The following ACO1 variants were observed in gnomAD, a reference collection of about 807,000 sequenced individuals.
ACO1 encodes aconitase 1.
Under a neutral mutation model 105.1 loss-of-function variants are expected in ACO1, and 78 were observed. The observed-to-expected ratio is 0.74, with a 90% CI of 0.62 to 0.90. The LOEUF (loss-of-function observed/expected upper bound fraction) is 0.90, where lower values mean the gene tolerates loss of function less well. Among genes scored for constraint, ACO1 ranks in the 40% least tolerant of loss-of-function variants. The pLI is 0.00. For synonymous variants in ACO1, 364 were observed against 397.4 expected (o/e 0.92, Z 1.00); for missense variants, 965 against 1,111.1 (o/e 0.87, Z 1.87).
intron 15 of ACO1, among the ~76,000 whole-genome samples, chr9:32,432,751 T>C (rs1822267682): frequency 6.6e-6 from 1 of 152,224 alleles, no homozygotes; most frequent in Admixed American, 6.5e-5. Context: ...TAGTTATCTA[T>C]TGCTGTGATA....
In ACO1 at chr9:32,420,722, T is replaced by A. The variant is rs757511383; in HGVS notation, c.799-134T>A. On this transcript the variant is annotated intron_variant, in intron 7 of 20. Coordinates refer to ENST00000309951, the MANE Select transcript of ACO1 (RefSeq NM_002197.3). ...ATTGTTTTTTAAGTTTTGAAAGTGA[T>A]CACAAATGTGTTGGGCTGATTTACT... is the stretch of plus-strand genomic sequence containing the variant. The A allele has an allele frequency of 9.3e-5, 83 of 890,014 alleles. No individual in the cohort carries two copies. The South Asian group carries it at 1.2e-3, about 13-fold the overall frequency. The allele number at this position is 890,014 out of a possible 1,614,324, so 55.1% of individuals were successfully genotyped here.
chr9:32,403,502 A>G (rs1405311276), intron 1 of ACO1, among the ~76,000 whole-genome samples: 1 of 152,204 alleles, frequency 6.6e-6, no homozygotes, highest in African/African-American at 2.4e-5. Context: ...ATCCATCCCA[A>G]AAATACCAAC....
At chr9:32,426,055 G>C in intron 11 of ACO1, 58 bp downstream of exon 11, 1 of 1,570,470 alleles carries the variant, frequency 6.4e-7, no homozygotes, top group Non-Finnish European at 8.7e-7. Flanking sequence ...GAAATAGCCC[G>C]AGACAGGGCC....
rs1220685998 is a variant in ACO1 at position 32,454,762 on chromosome 9, C to G, written c.*4651C>G. ...TGACATTATTCCATTAAAAGTCAAACAAGGAAATGCTAAGTTCTCCTTATT... is the reference window on the plus strand; with the variant it reads ...TGACATTATTCCATTAAAAGTCAAAGAAGGAAATGCTAAGTTCTCCTTATT... On this transcript the variant is annotated 3_prime_UTR_variant, in exon 21 of 21. Coordinates refer to ENST00000309951, the MANE Select transcript of ACO1 (RefSeq NM_002197.3). 1 of 150,818 alleles carries G rather than the reference C, an allele frequency of 6.6e-6. No homozygotes were observed. Among genetic ancestry groups the G allele is most frequent in the East Asian group, 1.9e-4 (1 of 5,190 alleles). 9.3% of individuals were successfully genotyped at this position (150,818 alleles called of 1,614,324 possible).
chr9:32,430,363 C>A (rs981665456), intron 13 of ACO1, 55 bp from the exon 14 acceptor site: 31 of 1,540,044 alleles, frequency 2.0e-5, no homozygotes, highest in Non-Finnish European at 2.6e-5. Flanking sequence ...TGGTCTGAGA[C>A]AAGAAGCCTA....
intron 19 of ACO1, among the ~76,000 whole-genome samples, chr9:32,443,542 C>G (rs892598893): frequency 6.6e-6 from 1 of 152,148 alleles, no homozygotes; most frequent in African/African-American, 2.4e-5. Context: ...TTACTTAAAG[C>G]AACAGCATCA....
intron 4 of ACO1, among the ~76,000 whole-genome samples, chr9:32,417,339 A>G (rs1011996089): frequency 6.6e-6 from 1 of 152,172 alleles, no homozygotes; most frequent in Non-Finnish European, 1.5e-5. Context: ...TCATTTATTA[A>G]TGAAGTCTGA....
chr9:32,389,035 T>G (rs1821210784), intron 1 of ACO1, among the ~76,000 whole-genome samples: 1 of 152,222 alleles, frequency 6.6e-6, no homozygotes, highest in Admixed American at 6.5e-5. Flanking sequence ...TTAACAGTAT[T>G]AATGTTTGAC....
intron 1 of ACO1, among the ~76,000 whole-genome samples, chr9:32,386,820 C>A (rs1821165500): frequency 6.6e-6 from 1 of 152,016 alleles, no homozygotes; most frequent in South Asian, 2.1e-4. Flanking sequence ...CCACCTATTT[C>A]TCATGTGTCC....
At chr9:32,413,691 G>A (rs1481581864) in intron 4 of ACO1, among the ~76,000 whole-genome samples, 1 of 152,098 alleles carries the variant, frequency 6.6e-6, no homozygotes, top group Non-Finnish European at 1.5e-5. Flanking sequence ...ACTGGGTAAG[G>A]GGTGGTAGAG....
chr9:32,449,196 G>A, intron 20 of ACO1, 115 bp downstream of exon 20: 2 of 948,376 alleles, frequency 2.1e-6, no homozygotes, highest in South Asian at 3.5e-5. Context: ...CACTCAGGAG[G>A]ACTGCATTAG....
intron 3 of ACO1, among the ~76,000 whole-genome samples, chr9:32,408,059 G>A (rs1173462513): frequency 6.6e-6 from 1 of 152,196 alleles, no homozygotes; most frequent in African/African-American, 2.4e-5. Flanking sequence ...GAAAAAGAGA[G>A]ATTCATTTAA....
At chr9:32,432,836 C>T (rs1822269270) in intron 15 of ACO1, among the ~76,000 whole-genome samples, 1 of 152,210 alleles carries the variant, frequency 6.6e-6, no homozygotes, top group Non-Finnish European at 1.5e-5. Flanking sequence ...AATCCAGGCA[C>T]AGCTTCACTG....
At chr9:32,422,596 G>A (rs909564056) in intron 8 of ACO1, among the ~76,000 whole-genome samples, 21 of 152,074 alleles carry the variant, frequency 1.4e-4, no homozygotes, top group African/African-American at 4.1e-4. Flanking sequence ...CTCCTACCCC[G>A]GGATCTTGAT....
rs149099252 is a variant in ACO1 at position 32,419,074 on chromosome 9, G to A, written c.695G>A (p.Gly232Asp). 1.9e-6 allele frequency: 3 copies of A among 1,606,486 alleles called. No individual in the cohort carries two copies. In the African/African-American group the frequency reaches 4.0e-5, roughly 22 times the overall value. The part of the protein sequence containing the change: ...GGIEAEAVML[G>D]QPISMVLPQV... The stretch of plus-strand genomic sequence containing the variant: ...ATTGAAGCAGAAGCTGTCATGCTGG[G>A]TCAGCCAATCAGTATGGTGCTTCCT... Residue 232 changes from glycine to aspartate, a missense_variant, in exon 7 of 21, where the codon GGT becomes GAT. Coordinates refer to ENST00000309951, the MANE Select transcript of ACO1 (RefSeq NM_002197.3).
At chr9:32,437,612 T>C (rs1246492538) in intron 18 of ACO1, among the ~76,000 whole-genome samples, 1 of 152,180 alleles carries the variant, frequency 6.6e-6, no homozygotes, top group African/African-American at 2.4e-5. Context: ...CTGCATGACA[T>C]AGAACTTCTA....
rs1822438989 is a variant in ACO1 at position 32,439,792 on chromosome 9, T to C, written c.2248-673T>C. Among the ~76,000 whole-genome samples, 1 of 152,220 alleles carries C rather than the reference T, an allele frequency of 6.6e-6. No homozygotes were observed. The highest frequency in any genetic ancestry group is 1.5e-5 in the Non-Finnish European group (1 of 68,026). ...AACTGACATCACCGAGTTTCTGATA[T>C]TGAGCCAAAATGTTTAGGTCACATT... On this transcript the variant is annotated intron_variant, in intron 18 of 20. Coordinates refer to ENST00000309951, the MANE Select transcript of ACO1 (RefSeq NM_002197.3). This position sits in a 1 kb window ranked among gnomAD's most constrained non-coding sequence, Gnocchi z 4.0.
intron 1 of ACO1, among the ~76,000 whole-genome samples, chr9:32,385,461 C>G (rs997415740): frequency 6.6e-6 from 1 of 152,186 alleles, no homozygotes; most frequent in Admixed American, 6.5e-5. Context: ...TGTGTTATAT[C>G]TATCCATATT....
In ACO1 at chr9:32,418,294, C is replaced by T. The variant is rs185730378; in HGVS notation, c.475-34C>T. On this transcript the variant is annotated intron_variant, in intron 5 of 20. Coordinates refer to ENST00000309951, the MANE Select transcript of ACO1 (RefSeq NM_002197.3). ...ATGGGCTGAGTAGAAGTACTTCACG[C>T]GTTCATAGTGTTCTTTCCATTTGTC... 2,458 of 1,612,878 alleles carry T rather than the reference C, an allele frequency of 1.5e-3. 14 individuals carry two copies. The highest frequency in any genetic ancestry group is 0.012 in the South Asian group (1,132 of 90,972).
Sources: allele counts gnomAD v4.1 joint callset (sites outside exome capture counted in the v4.1 genomes callset), GRCh38; gene constraint gnomAD v4.1.1; non-coding constraint Gnocchi (gnomAD v3.1); transcripts MANE v1.5; gene names NCBI Gene and HGNC (gene_info 2026-07-23, HGNC 2026-07-21).